CFAP52: variants seen among roughly 807,000 people sequenced by gnomAD.
CFAP52 encodes cilia and flagella associated protein 52, also known as cilia- and flagella-associated protein 52.
A neutral mutation model predicts 70.5 loss-of-function variants in CFAP52; 57 were observed. That is an observed-to-expected ratio of 0.81 (90% CI 0.65 to 1.01). The LOEUF (loss-of-function observed/expected upper bound fraction) is 1.01. Among genes scored for constraint, CFAP52 ranks in the 50% least tolerant of loss-of-function variants. The pLI is 0.00. For missense variants in CFAP52, 785 were observed against 788.5 expected, an observed-to-expected ratio of 1.00 and a Z score of 0.05; for synonymous variants, 267 against 292.5, an observed-to-expected ratio of 0.91 and a Z score of 0.89.
intron 8 of CFAP52, 24 bp downstream of exon 8, chr17:9,612,503 ATG>A (rs1909755973): frequency 6.2e-7 from 1 of 1,605,306 alleles, no homozygotes; most frequent in Non-Finnish European, 8.5e-7. Flanking sequence ...AAAAACAAGA[ATG>A]TGGAGATTTG....
At chr17:9,607,135 G>A (rs544065782) in intron 6 of CFAP52, among the ~76,000 whole-genome samples, 2 of 152,232 alleles carry the variant, frequency 1.3e-5, no homozygotes, top group East Asian at 3.9e-4. Context: ...CACTTCAGGT[G>A]AGGAGTTCGA....
At chr17:9,631,048 G>GAAAGAAAGAAAGAAAGAAAGAA (rs1426600738) in intron 9 of CFAP52, among the ~76,000 whole-genome samples, 11 of 19,846 alleles carry the variant, frequency 5.5e-4, no homozygotes, top group South Asian at 1.7e-3. Flanking sequence ...GAGAGAGAGA[G>GAAAGAAAGAAAGAAAGAAAGAA]AGAGAGAAAG....
intron 13 of CFAP52, 116 bp from the exon 14 acceptor site, chr17:9,642,907 T>G: frequency 2.4e-6 from 2 of 850,954 alleles, no homozygotes; most frequent in Non-Finnish European, 3.3e-6. Flanking sequence ...AGTAAAAGTG[T>G]TATTATAAAG....
chr17:9,610,218 G>A (rs1909661111), intron 7 of CFAP52: 1 of 152,052 alleles, frequency 6.6e-6, no homozygotes, highest in Admixed American at 6.6e-5. Context: ...AACAAACTAT[G>A]TTGGGTTATC....
At chr17:9,585,542 G>A (rs535443877) in intron 1 of CFAP52, among the ~76,000 whole-genome samples, 25 of 152,032 alleles carry the variant, frequency 1.6e-4, no homozygotes, top group Non-Finnish European at 2.9e-4. Context: ...GTGGTGGCGG[G>A]TGCCTGTAAT....
intron 3 of CFAP52, among the ~76,000 whole-genome samples, chr17:9,591,690 G>C (rs1255886752): frequency 6.6e-6 from 1 of 152,104 alleles, no homozygotes; most frequent in African/African-American, 2.4e-5. Context: ...ACTAGCCTGG[G>C]CAACATAGGG....
At position 9,586,045 on chromosome 17, in the gene CFAP52, G is replaced by C. The variant is rs924096606; in HGVS notation, c.270+73G>C. On this transcript the variant is annotated intron_variant, in intron 2 of 13. Coordinates refer to ENST00000352665, the MANE Select transcript of CFAP52 (RefSeq NM_145054.5). ...CCCTAGAAGAACTGCCCCACTTCAAGTTGTTAGTTCTATGTGGCAATGTGC... is the reference window on the plus strand; with the variant it reads ...CCCTAGAAGAACTGCCCCACTTCAACTTGTTAGTTCTATGTGGCAATGTGC... The C allele has an allele frequency of 4.0e-6, 6 of 1,491,296 alleles. No homozygotes were observed. The African/African-American group carries it at 6.9e-5, about 17-fold the overall frequency. 92.4% of individuals were successfully genotyped at this position (1,491,296 alleles called of 1,614,324 possible).
chr17:9,586,579 AAAAAAAG>A lies in CFAP52; in HGVS notation c.271-115_271-109del. The A allele has an allele frequency of 1.0e-5, 14 of 1,356,948 alleles. No homozygotes were observed. The African/African-American group carries it at 1.3e-4, about 13-fold the overall frequency. The allele number at this position is 1,356,948 out of a possible 1,614,324, so 84.1% of individuals were successfully genotyped here. On this transcript the variant is annotated intron_variant, in intron 2 of 13. Coordinates refer to ENST00000352665, the MANE Select transcript of CFAP52 (RefSeq NM_145054.5). ...AGACTCCGTCTCAACAAAAAAAAAA[AAAAAAAG>A]AAAGAAAAAAGAAAAGTGACAGTAC...
chr17:9,631,008 A>AAAAG (rs1910465080), intron 9 of CFAP52, among the ~76,000 whole-genome samples: 6 of 51,332 alleles, frequency 1.2e-4, no homozygotes, highest in Middle Eastern at 0.01. Flanking sequence ...GAAAGAAAGA[A>AAAAG]AGAAAGAAAG....
At chr17:9,597,446 T>C (rs184032397) in intron 4 of CFAP52, 1 of 152,308 alleles carries the variant, frequency 6.6e-6, no homozygotes, top group Non-Finnish European at 1.5e-5. Context: ...TATTCTACAA[T>C]GTGTATATGT....
At chr17:9,587,648 T>C (rs1340675641) in intron 3 of CFAP52, among the ~76,000 whole-genome samples, 1 of 152,214 alleles carries the variant, frequency 6.6e-6, no homozygotes, top group Non-Finnish European at 1.5e-5. Context: ...TTCATATGCT[T>C]GTTGGCTGCA....
intron 8 of CFAP52, among the ~76,000 whole-genome samples, chr17:9,622,281 C>T (rs989553032): frequency 2.0e-5 from 3 of 152,146 alleles, no homozygotes; most frequent in South Asian, 2.1e-4. Context: ...GGTGCAGTGG[C>T]TCTTGCCTGT....
intron 9 of CFAP52, among the ~76,000 whole-genome samples, chr17:9,632,263 T>C (rs1449321827): frequency 6.6e-6 from 1 of 151,120 alleles, no homozygotes; most frequent in Non-Finnish European, 1.5e-5. Flanking sequence ...TGTTTTTTTT[T>C]TTCATATTTT....
intron 10 of CFAP52, among the ~76,000 whole-genome samples, chr17:9,634,702 C>T (rs977470517): frequency 5.9e-5 from 9 of 151,378 alleles, no homozygotes; most frequent in Admixed American, 2.0e-4. Context: ...AGGCAGAGGT[C>T]GCAGTGAGCC....
At chr17:9,611,171 G>A (rs374954451) in intron 7 of CFAP52, among the ~76,000 whole-genome samples, 5 of 152,006 alleles carry the variant, frequency 3.3e-5, no homozygotes, top group African/African-American at 9.7e-5. Flanking sequence ...AAGAACCTGC[G>A]TTGAATTCTT....
intron 3 of CFAP52, among the ~76,000 whole-genome samples, chr17:9,591,807 G>A (rs928068476): frequency 6.6e-6 from 1 of 151,956 alleles, no homozygotes; most frequent in African/African-American, 2.4e-5. Context: ...GAGCCCAGGA[G>A]TTTGAGGCTG....
chr17:9,635,223 T>C (rs1910718721), intron 10 of CFAP52, among the ~76,000 whole-genome samples, 182 bp from the exon 11 acceptor site: 1 of 152,094 alleles, frequency 6.6e-6, no homozygotes, highest in Non-Finnish European at 1.5e-5. Context: ...GATGATCACA[T>C]CTTATACATG....
rs572274368 is a variant in CFAP52, at chr17:9,639,453, T to A, written c.1575+742T>A. On this transcript the variant is annotated intron_variant, in intron 12 of 13. Transcript: ENST00000352665. ...CTTAAAAAAAAAAAAAAATTCTACA[T>A]ATGGTACAGATTTCCCAGCTAAAGA... Among the ~76,000 whole-genome samples, 3 of 151,630 alleles carry A rather than the reference T, an allele frequency of 2.0e-5. No homozygotes were observed. The South Asian group carries it at 6.3e-4, about 32-fold the overall frequency.
In CFAP52 at chr17:9,638,716, G is replaced by A; in HGVS notation, c.1575+5G>A. 1 of 1,613,468 alleles carries A rather than the reference G, an allele frequency of 6.2e-7. No homozygotes were observed. Among genetic ancestry groups the A allele is most frequent in the African/African-American group, 1.3e-5 (1 of 75,030 alleles). ...ACCAGCGGAACAGACAGAAAGGTGA[G>A]TCCTCCCAGTGAGAGATGAGATCTT... On this transcript the variant is annotated splice_donor_5th_base_variant and intron_variant, in intron 12 of 13. Coordinates refer to ENST00000352665, the MANE Select transcript of CFAP52 (RefSeq NM_145054.5).
Sources: gnomAD v4.1 joint callset for allele counts (sites outside exome capture counted in the v4.1 genomes callset) on GRCh38, gnomAD v4.1.1 for gene constraint, MANE v1.5 for transcripts, NCBI Gene and HGNC (gene_info 2026-07-23, HGNC 2026-07-21) for gene names.